CMTM2: variants seen among roughly 807,000 people sequenced by gnomAD.
CMTM2 encodes CKLF like MARVEL transmembrane domain containing 2.
In CMTM2, 15 loss-of-function variants were observed where a neutral mutation model predicts 16.8. That is an observed-to-expected ratio of 0.89 (90% CI 0.60 to 1.37). CMTM2 has a LOEUF of 1.37. Among genes scored for constraint, CMTM2 ranks in the 40% most tolerant of loss-of-function variants. CMTM2 has a pLI of 0.00. For synonymous variants in CMTM2, 117 were observed against 118.7 expected (o/e 0.99, Z 0.09); for missense variants, 282 against 318.0 (o/e 0.89, Z 0.86).
chr16:66,580,268 G>A, intron 2 of CMTM2, 84 bp downstream of exon 2: 7 of 1,420,554 alleles, frequency 4.9e-6, no homozygotes, highest in Non-Finnish European at 5.9e-6. Flanking sequence ...CAAACAGAGA[G>A]ACACACCTCA....
At chr16:66,584,995 G>A (rs1192919427) in intron 2 of CMTM2, among the ~76,000 whole-genome samples, 1 of 148,718 alleles carries the variant, frequency 6.7e-6, no homozygotes, top group Non-Finnish European at 1.5e-5. Context: ...TGCCCAGGCT[G>A]GAGTGCAATG....
chr16:66,586,403 C>T (rs553028870), intron 2 of CMTM2, among the ~76,000 whole-genome samples: 14 of 152,046 alleles, frequency 9.2e-5, no homozygotes, highest in Middle Eastern at 6.8e-3. Context: ...TTTGGGAGGC[C>T]GAGGAAGGCA....
chr16:66,586,520 ACCTGT>A (rs2014795009), intron 2 of CMTM2, among the ~76,000 whole-genome samples: 2 of 152,070 alleles, frequency 1.3e-5, no homozygotes, highest in African/African-American at 2.4e-5. Context: ...GGTGGCACAC[ACCTGT>A]AGTCGCAGCT....
rs533376806 is a variant in CMTM2, at chr16:66,587,821, G to T, written c.547-98G>T. The T allele has an allele frequency of 2.3e-5, 27 of 1,196,450 alleles. No homozygotes were observed. The South Asian group carries it at 3.4e-4, about 15-fold the overall frequency. The allele number at this position is 1,196,450 out of a possible 1,614,324, so 74.1% of individuals were successfully genotyped here. On this transcript the variant is annotated intron_variant, in intron 3 of 3. Coordinates refer to ENST00000268595, the MANE Select transcript of CMTM2 (RefSeq NM_144673.3). ...TGACATTTGAGGGGACATGGGGGAT[G>T]TGTGAAACAGCACCCCCTGATGAAT...
At chr16:66,586,480 A>T (rs966735699) in intron 2 of CMTM2, among the ~76,000 whole-genome samples, 1 of 152,038 alleles carries the variant, frequency 6.6e-6, no homozygotes, top group Non-Finnish European at 1.5e-5. Flanking sequence ...TCTACTAAAA[A>T]TACACACAAA....
At chr16:66,586,959 T>C (rs2014800024) in intron 2 of CMTM2, 38 bp from the exon 3 acceptor site, 3 of 1,481,786 alleles carry the variant, frequency 2.0e-6, no homozygotes, top group Admixed American at 1.7e-5. Context: ...ATGGGGACCC[T>C]GGCTTTGGCT....
At chr16:66,586,864 T>TAAAC in intron 2 of CMTM2, 133 bp from the exon 3 acceptor site, 1 of 679,758 alleles carries the variant, frequency 1.5e-6, no homozygotes, top group Non-Finnish European at 2.7e-6. Flanking sequence ...GGTGTGTGTT[T>TAAAC]ATCTTTATGC....
At chr16:66,587,561 G>GAA (rs58658105) in intron 3 of CMTM2, among the ~76,000 whole-genome samples, 2 of 139,094 alleles carry the variant, frequency 1.4e-5, no homozygotes, top group African/African-American at 5.3e-5. Context: ...CGTCTCAAAG[G>GAA]AAAAAAAAAA....
Position 66,588,136 on chromosome 16 carries a change from G to C in CMTM2, c.*17G>C, listed in dbSNP as rs1271372742. 2.5e-6 allele frequency: 4 copies of C among 1,610,648 alleles called. No homozygotes were observed. Among genetic ancestry groups the C allele is most frequent in the Admixed American group, 1.7e-5 (1 of 59,916 alleles). ...AAGAAATGACTTGGAGGAGGCTCCT[G>C]GTGTCTGAAACGGCAGTGTATTTTA... On this transcript the variant is annotated 3_prime_UTR_variant, in exon 4 of 4. Transcript: ENST00000268595.
chr16:66,579,667 C>G lies in CMTM2; in HGVS notation c.60C>G (p.Pro20=), dbSNP rs779194025. 1 of 1,613,686 alleles carries G rather than the reference C, an allele frequency of 6.2e-7. No individual in the cohort carries two copies. The highest frequency in any genetic ancestry group is 8.5e-7 in the Non-Finnish European group (1 of 1,179,970). ...AGCCAGCACCAGCTCCACCTCCACC[C>G]GGGGCCAAACCCGAGGAAGACAAGA... ...KPEPAPAPPP[P]GAKPEEDKKD... The change falls in exon 1 of 4, where the codon CCC becomes CCG. Residue 20 remains proline, a synonymous_variant. Coordinates refer to ENST00000268595, the MANE Select transcript of CMTM2 (RefSeq NM_144673.3). This position sits in a 1 kb window ranked among gnomAD's most constrained non-coding sequence, Gnocchi z 6.5.
intron 3 of CMTM2, among the ~76,000 whole-genome samples, chr16:66,587,604 C>G (rs1198299498): frequency 6.6e-6 from 1 of 151,958 alleles, no homozygotes; most frequent in African/African-American, 2.4e-5. Context: ...CCAACGGAAC[C>G]ACCATTTAAA....
At chr16:66,584,829 C>A (rs542329965) in intron 2 of CMTM2, among the ~76,000 whole-genome samples, 10 of 152,112 alleles carry the variant, frequency 6.6e-5, no homozygotes, top group Admixed American at 1.3e-4. Context: ...CAGTGGCTCA[C>A]ACCTATAATC....
rs2014758522 is a variant in CMTM2, at chr16:66,583,528, A to T, written c.444+3344A>T. Among the ~76,000 whole-genome samples, 4 of 152,082 alleles carry T rather than the reference A, an allele frequency of 2.6e-5. No homozygotes were observed. In the South Asian group the frequency reaches 8.3e-4, roughly 32 times the overall value. On this transcript the variant is annotated intron_variant, in intron 2 of 3. Transcript: ENST00000268595. Reference sequence around the variant, plus strand: ...TGCTCTTTAAAAGAAATCACTTAAAACAGCAACACAAACTACAAGGTGTCT... The same window carrying T: ...TGCTCTTTAAAAGAAATCACTTAAATCAGCAACACAAACTACAAGGTGTCT...
At chr16:66,582,530 G>A (rs1406342440) in intron 2 of CMTM2, among the ~76,000 whole-genome samples, 1 of 152,126 alleles carries the variant, frequency 6.6e-6, no homozygotes, top group Non-Finnish European at 1.5e-5. Flanking sequence ...GGGAGACCCT[G>A]TCTCTACAAA....
chr16:66,588,090 C>A lies in CMTM2; in HGVS notation c.718C>A (p.Pro240Thr), dbSNP rs1409192209. The change falls in exon 4 of 4, where the codon CCA becomes ACA. Residue 240 changes from proline to threonine, a missense_variant. By Grantham distance (38) the Pro-to-Thr change is conservative. Coordinates refer to ENST00000268595, the MANE Select transcript of CMTM2 (RefSeq NM_144673.3). ...CGCCAAGCCACCAGAACCTGGCAAG[C>A]CACCAGGGCCAGCAAAGGGAAAGAA... is the stretch of plus-strand genomic sequence containing the variant. ...EPAKPPEPGK[P>T]PGPAKGKK 3.1e-6 allele frequency: 5 copies of A among 1,612,882 alleles called. No individual in the cohort carries two copies. The highest frequency in any genetic ancestry group is 3.3e-5 in the Admixed American group (2 of 60,006).
chr16:66,587,627 C>T (rs569018189), intron 3 of CMTM2, among the ~76,000 whole-genome samples: 95 of 152,220 alleles, frequency 6.2e-4, no homozygotes, highest in African/African-American at 2.2e-3. Context: ...AAGATGATGT[C>T]CGGGGAGCCA....
chr16:66,584,944 ATTTTT>A (rs559994145), intron 2 of CMTM2, among the ~76,000 whole-genome samples: 7 of 133,492 alleles, frequency 5.2e-5, no homozygotes, highest in South Asian at 4.8e-4. Flanking sequence ...TACAAAAACA[ATTTTT>A]TTTTTTTTTT....
rs1269840306 is a variant in CMTM2 at position 66,579,634 on chromosome 16, C to G, written c.27C>G (p.Ala9=). 1 of 1,613,972 alleles carries G rather than the reference C, an allele frequency of 6.2e-7. No individual in the cohort carries two copies. The highest frequency in any genetic ancestry group is 8.5e-7 in the Non-Finnish European group (1 of 1,180,006). Reference sequence around the variant, plus strand: ...TGGCACCTAAGGCGGCAAAGGGGGCCAAGCCAGAGCCAGCACCAGCTCCAC... The same window carrying G: ...TGGCACCTAAGGCGGCAAAGGGGGCGAAGCCAGAGCCAGCACCAGCTCCAC... MAPKAAKG[A]KPEPAPAPPP... is the part of the protein sequence containing the mutation. The change falls in exon 1 of 4, where the codon GCC becomes GCG. Residue 9 remains alanine (A), a synonymous_variant. Coordinates refer to ENST00000268595, the MANE Select transcript of CMTM2 (RefSeq NM_144673.3). The surrounding 1 kb of genome is among the most constrained non-coding windows in gnomAD (Gnocchi z 6.5).
At chr16:66,587,532 G>A (rs1358216469) in intron 3 of CMTM2, among the ~76,000 whole-genome samples, 3 of 151,936 alleles carry the variant, frequency 2.0e-5, no homozygotes, top group Non-Finnish European at 4.4e-5. Flanking sequence ...ACTCCACCCC[G>A]GACGACGGAG....
Sources: allele counts gnomAD v4.1 joint callset (sites outside exome capture counted in the v4.1 genomes callset), GRCh38; gene constraint gnomAD v4.1.1; non-coding constraint Gnocchi (gnomAD v3.1); transcripts MANE v1.5; gene names NCBI Gene and HGNC (gene_info 2026-07-23, HGNC 2026-07-21).